The following SMOC2 variants were observed in gnomAD, a reference collection of about 807,000 sequenced individuals.
SMOC2 encodes the protein SPARC related modular calcium binding 2.
SMOC2 carries 39 observed loss-of-function variants against 61.4 expected under a neutral mutation model. That is an observed-to-expected ratio of 0.64 (90% CI 0.49 to 0.83). SMOC2 has a LOEUF of 0.83. Among genes scored for constraint, SMOC2 ranks in the 40% least tolerant of loss-of-function variants. The pLI is 0.00. For synonymous variants in SMOC2, 247 were observed against 239.9 expected (o/e 1.03, Z -0.27); for missense variants, 556 against 592.9 (o/e 0.94, Z 0.65).
chr6:168,527,726 GGGTAGGTCTGACGTGCCTTTCCAA>G lies in SMOC2; in HGVS notation c.463+1_463+24del. On this transcript the variant is annotated splice_donor_variant and splice_donor_5th_base_variant and coding_sequence_variant and intron_variant, in exon 4 of 13. Coordinates refer to ENST00000356284, the MANE Select transcript of SMOC2 (RefSeq NM_001166412.2). LOFTEE classifies it high-confidence loss of function. ...TGGCCCACAAGACGCCCCGGTGCCC[GGGTAGGTCTGACGTGCCTTTCCAA>G]GTGGAAGGCTTGAAGGGAATTGGTT... 1 of 1,549,438 alleles carries G rather than the reference GGGTAGGTCTGACGTGCCTTTCCAA, an allele frequency of 6.5e-7. No homozygotes were observed. The highest frequency in any genetic ancestry group is 1.2e-5 in the South Asian group (1 of 84,014).
chr6:168,619,621 T>G (rs890294031), intron 9 of SMOC2, among the ~76,000 whole-genome samples: 1 of 152,230 alleles, frequency 6.6e-6, no homozygotes, highest in Admixed American at 6.5e-5. Flanking sequence ...TTTTCTGAAT[T>G]GATTGAGGCT....
chr6:168,454,602 C>A (rs898453300), intron 1 of SMOC2, among the ~76,000 whole-genome samples: 5 of 152,150 alleles, frequency 3.3e-5, no homozygotes, highest in African/African-American at 9.7e-5. Flanking sequence ...AGACCGTTTG[C>A]CCTTCAGCCG....
intron 9 of SMOC2, among the ~76,000 whole-genome samples, chr6:168,608,702 A>T (rs1785776404): frequency 6.6e-6 from 1 of 151,834 alleles, no homozygotes; most frequent in African/African-American, 2.4e-5. Flanking sequence ...AATTACAAAG[A>T]AATATTGTAA....
Position 168,600,266 on chromosome 6 carries a change from G to A in SMOC2, c.824+1262G>A, listed in dbSNP as rs547245167. Reference sequence around the variant, plus strand: ...AGTAAAAATACAAAAAATTAGCTGGGCGTGGTGGTGGATGCCTGTAATCCC... The same window carrying A: ...AGTAAAAATACAAAAAATTAGCTGGACGTGGTGGTGGATGCCTGTAATCCC... On this transcript the variant is annotated intron_variant, in intron 8 of 12. Transcript: ENST00000356284. Among the ~76,000 whole-genome samples, 13 of 152,072 alleles carry A rather than the reference G, an allele frequency of 8.5e-5. No homozygotes were observed. The East Asian group carries it at 2.5e-3, about 29-fold the overall frequency.
chr6:168,591,551 C>T (rs1322994499), intron 7 of SMOC2, among the ~76,000 whole-genome samples: 1 of 151,578 alleles, frequency 6.6e-6, no homozygotes, highest in South Asian at 2.1e-4. Context: ...AAATGGAAGG[C>T]TATTCTTTGG....
At chr6:168,465,908 T>C (rs1781821244) in intron 1 of SMOC2, among the ~76,000 whole-genome samples, 1 of 110,258 alleles carries the variant, frequency 9.1e-6, no homozygotes, top group Non-Finnish European at 1.8e-5. Flanking sequence ...GGCATGCTGC[T>C]CTGAGAGCTG....
intron 1 of SMOC2, among the ~76,000 whole-genome samples, chr6:168,464,766 T>C (rs1292826118): frequency 2.0e-5 from 3 of 152,230 alleles, no homozygotes; most frequent in Non-Finnish European, 4.4e-5. Flanking sequence ...TTGTGCTAGT[T>C]AACTTCATTC....
chr6:168,443,399 C>T (rs1424594932), intron 1 of SMOC2, among the ~76,000 whole-genome samples: 3 of 152,326 alleles, frequency 2.0e-5, no homozygotes, highest in Non-Finnish European at 4.4e-5. Context: ...CGGTGAGACC[C>T]GCTGCATGTG....
intron 1 of SMOC2, among the ~76,000 whole-genome samples, chr6:168,471,994 G>A (rs908753816): frequency 6.6e-6 from 1 of 152,196 alleles, no homozygotes; most frequent in Non-Finnish European, 1.5e-5. Flanking sequence ...CCCACTCCGT[G>A]TGTGCGTTTC....
At chr6:168,616,948 C>A (rs976166830) in intron 9 of SMOC2, among the ~76,000 whole-genome samples, 1 of 152,168 alleles carries the variant, frequency 6.6e-6, no homozygotes, top group African/African-American at 2.4e-5. Flanking sequence ...GGTGCAGGGA[C>A]ACAGGTGAAG....
At chr6:168,559,273 T>G (rs1784335191) in intron 7 of SMOC2, among the ~76,000 whole-genome samples, 1 of 151,952 alleles carries the variant, frequency 6.6e-6, no homozygotes, top group Non-Finnish European at 1.5e-5. Flanking sequence ...CTGGCCAACA[T>G]GGTGAAACCC....
At chr6:168,549,584 G>A (rs1176640437) in intron 7 of SMOC2, among the ~76,000 whole-genome samples, 1 of 152,168 alleles carries the variant, frequency 6.6e-6, no homozygotes, top group African/African-American at 2.4e-5. Context: ...TCTTCACGTT[G>A]AGTGGGCTGA....
At chr6:168,538,986 C>T (rs544653375) in intron 4 of SMOC2, among the ~76,000 whole-genome samples, 207 of 152,180 alleles carry the variant, frequency 1.4e-3, no homozygotes, top group African/African-American at 4.8e-3. Context: ...GGTTCAGGGA[C>T]GCCGGCAGTC....
intron 1 of SMOC2, among the ~76,000 whole-genome samples, chr6:168,482,023 A>G (rs927173519): frequency 1.3e-5 from 2 of 151,896 alleles, no homozygotes; most frequent in African/African-American, 4.8e-5. Flanking sequence ...AGCAGAAGGA[A>G]CTACATAATA....
In SMOC2 at chr6:168,453,570, G is replaced by A. The variant is rs1781512024; in HGVS notation, c.84+12116G>A. ...TGTACCTGTCTCTCTGATTCTCTCA[G>A]TCTCTGCCATTTGCTCTCTCTCTTT... On this transcript the variant is annotated intron_variant, in intron 1 of 12. Transcript: ENST00000356284. This position sits in a 1 kb window ranked among gnomAD's most constrained non-coding sequence, Gnocchi z 4.4. Among the ~76,000 whole-genome samples, 1 of 150,476 alleles carries A rather than the reference G, an allele frequency of 6.6e-6. No individual in the cohort carries two copies. The highest frequency in any genetic ancestry group is 6.6e-5 in the Admixed American group (1 of 15,130).
chr6:168,529,643 G>A (rs1210447801), intron 4 of SMOC2, among the ~76,000 whole-genome samples: 1 of 152,242 alleles, frequency 6.6e-6, no homozygotes, highest in African/African-American at 2.4e-5. Flanking sequence ...TGGAGTCATG[G>A]CAAATTGTGG....
chr6:168,592,589 C>G (rs1202651898), intron 7 of SMOC2, among the ~76,000 whole-genome samples: 20 of 106,992 alleles, frequency 1.9e-4, no homozygotes, highest in South Asian at 3.5e-4. Context: ...GGGCATCTTT[C>G]TAGAGGATCG....
intron 8 of SMOC2, among the ~76,000 whole-genome samples, chr6:168,601,854 T>TTTCATTCTGCCTGGGC (rs1785562810): frequency 6.6e-6 from 1 of 152,178 alleles, no homozygotes; most frequent in Non-Finnish European, 1.5e-5. Context: ...TCGATGCTGG[T>TTTCATTCTGCCTGGGC]TTCATTCTGC....
At position 168,555,368 on chromosome 6, in the gene SMOC2, G is replaced by A. The variant is rs190081480; in HGVS notation, c.637+6165G>A. ...TGGGGTCCTGGGGTTGGCTGGTTGC[G>A]AAGCAGAGTGACGAGGAAGACGGAA... On this transcript the variant is annotated intron_variant, in intron 7 of 12. Transcript: ENST00000356284. 2.6e-5 allele frequency among the ~76,000 whole-genome samples: 4 copies of A among 152,314 alleles called. No individual in the cohort carries two copies. The East Asian group carries it at 7.7e-4, about 29-fold the overall frequency.
Sources: gnomAD v4.1 joint callset for allele counts (sites outside exome capture counted in the v4.1 genomes callset) on GRCh38, gnomAD v4.1.1 for gene constraint, Gnocchi (gnomAD v3.1) non-coding constraint, MANE v1.5 for transcripts, NCBI Gene and HGNC (gene_info 2026-07-23, HGNC 2026-07-21) for gene names.